The following DMD variants were observed in gnomAD, a reference collection of about 807,000 sequenced individuals.
DMD encodes the protein mutant dystrophin.
In DMD, 63 loss-of-function variants were observed where a neutral mutation model predicts 330.1. The observed-to-expected ratio is 0.19, with a 90% CI of 0.16 to 0.24. The LOEUF is 0.24. Among genes scored for constraint, DMD ranks in the 10% least tolerant of loss-of-function variants. The pLI is 1.00. For synonymous variants in DMD, 1,223 were observed against 959.8 expected, an observed-to-expected ratio of 1.27 and a Z score of -5.07; for missense variants, 3,344 against 2,684.1, an observed-to-expected ratio of 1.25 and a Z score of -5.43.
intron 48 of DMD, among the ~76,000 whole-genome samples, chrX:31,849,966 C>A (rs773626245): frequency 1.8e-5 from 2 of 110,712 alleles, no homozygotes; most frequent in South Asian, 7.7e-4. Flanking sequence ...GTCATGAGGG[C>A]CTGTTGTACA....
chrX:32,786,385 T>A (rs1274712761), intron 7 of DMD, among the ~76,000 whole-genome samples: 2 of 110,739 alleles, frequency 1.8e-5, no homozygotes, highest in African/African-American at 6.6e-5. Context: ...TGCCATCTAA[T>A]TTTAGAGTTA....
At chrX:33,131,273 A>AT (rs2095497887) in intron 1 of DMD, among the ~76,000 whole-genome samples, 1 of 110,918 alleles carries the variant, frequency 9.0e-6, no homozygotes, top group African/African-American at 3.3e-5. Context: ...AACTTTGCTG[A>AT]TATTAGAATC....
At chrX:31,467,543 C>A (rs1295242378) in intron 59 of DMD, among the ~76,000 whole-genome samples, 1 of 111,584 alleles carries the variant, frequency 9.0e-6, no homozygotes, top group Non-Finnish European at 1.9e-5. Context: ...TAAGCTTTTT[C>A]ATGTGCTGCT....
At chrX:32,196,986 C>CCAAAAA (rs2097006253) in intron 44 of DMD, among the ~76,000 whole-genome samples, 1 of 49,640 alleles carries the variant, frequency 2.0e-5, no homozygotes, top group Non-Finnish European at 3.3e-5. Flanking sequence ...GACTCCATCT[C>CCAAAAA]AAAAAAAAAA....
chrX:31,958,096 GTTTTTTTTT>G (rs745655022), intron 45 of DMD, among the ~76,000 whole-genome samples: 1 of 74,594 alleles, frequency 1.3e-5, no homozygotes, highest in Non-Finnish European at 2.5e-5. Context: ...CATTTGGCCT[GTTTTTTTTT>G]TTTTTTTTTT....
intron 44 of DMD, among the ~76,000 whole-genome samples, chrX:32,011,330 A>G (rs2095706705): frequency 9.0e-6 from 1 of 111,299 alleles, no homozygotes; most frequent in Admixed American, 9.5e-5. Flanking sequence ...GCATGAAGGG[A>G]TCTAGAGAAA....
intron 52 of DMD, among the ~76,000 whole-genome samples, chrX:31,698,255 A>G (rs2083571729): frequency 9.0e-6 from 1 of 111,678 alleles, no homozygotes; most frequent in Non-Finnish European, 1.9e-5. Context: ...ACTGTGGGCA[A>G]CTCTAAAGGA....
At chrX:32,558,384 A>C (rs771461314) in intron 16 of DMD, among the ~76,000 whole-genome samples, 1 of 112,136 alleles carries the variant, frequency 8.9e-6, no homozygotes, top group African/African-American at 3.2e-5. Context: ...TATCAAGTAT[A>C]GGCTTAGGAA....
intron 45 of DMD, 46 bp from the exon 46 acceptor site, chrX:31,932,273 TC>T: frequency 1.9e-6 from 2 of 1,044,944 alleles, no homozygotes; most frequent in Non-Finnish European, 2.7e-6. Context: ...CCAACATAGT[TC>T]TCAAACTATT....
chrX:32,129,231 ATT>A (rs1426408812), intron 44 of DMD, among the ~76,000 whole-genome samples: 2 of 111,743 alleles, frequency 1.8e-5, no homozygotes, highest in African/African-American at 6.5e-5. Context: ...CAATCCTCAA[ATT>A]TTGTTTTTCA....
intron 17 of DMD, among the ~76,000 whole-genome samples, chrX:32,528,996 A>T (rs1352068570): frequency 9.8e-5 from 10 of 102,250 alleles, no homozygotes; most frequent in Non-Finnish European, 9.8e-5. Flanking sequence ...ATCTTGGCTC[A>T]CTGCAACCTC....
At chrX:33,165,768 G>A (rs1164598036) in intron 1 of DMD, among the ~76,000 whole-genome samples, 1 of 111,550 alleles carries the variant, frequency 9.0e-6, no homozygotes, top group East Asian at 2.8e-4. Flanking sequence ...AAGGGGGAAA[G>A]AGATGATTTT....
Position 32,625,362 on chromosome X carries a change from A to T in DMD, c.1332-10909T>A, listed in dbSNP as rs2058279313. On this transcript the variant is annotated intron_variant, in intron 11 of 78. Transcript: ENST00000357033. ...AGGCTCAGAAACTGAATTTTTAACT[A>T]TATTTAATTATAATAATTATAATTT... Among the ~76,000 whole-genome samples the T allele has an allele frequency of 3.6e-5, 4 of 111,267 alleles. No individual in the cohort carries two copies. The South Asian group carries it at 1.5e-3, about 42-fold the overall frequency.
intron 30 of DMD, among the ~76,000 whole-genome samples, chrX:32,393,189 G>T (rs999180595): frequency 9.0e-6 from 1 of 111,050 alleles, no homozygotes; most frequent in African/African-American, 3.3e-5. Context: ...CATTTGTTTT[G>T]CTTTAGTTAC....
intron 51 of DMD, among the ~76,000 whole-genome samples, chrX:31,745,434 G>T (rs1206463441): frequency 1.8e-5 from 2 of 111,753 alleles, no homozygotes; most frequent in African/African-American, 6.5e-5. Context: ...AAAGTGGCAT[G>T]TTAGAAATAT....
chrX:31,819,331 A>G (rs1200289927), intron 50 of DMD, among the ~76,000 whole-genome samples: 1 of 112,428 alleles, frequency 8.9e-6, no homozygotes, highest in Non-Finnish European at 1.9e-5. Flanking sequence ...TTGAACTAAA[A>G]ATGGGAGAGC....
chrX:31,138,686 A>AGGGAGAGAGAGTGT lies in DMD; in HGVS notation c.10922-4493_10922-4492insACACTCTCTCTCCC, dbSNP rs3082164. Reference sequence around the variant, plus strand: ...GAGAGAGAGAGAGAGAGAGAGAGAGAGAAGGGGGAAGTGCCACACACTTTA... The same window carrying AGGGAGAGAGAGTGT: ...GAGAGAGAGAGAGAGAGAGAGAGAGAGGGAGAGAGAGTGTGAAGGGGGAAGTGCCACACACTTTA... On this transcript the variant is annotated intron_variant, in intron 76 of 78. Coordinates refer to ENST00000357033, the MANE Select transcript of DMD (RefSeq NM_004006.3). Among the ~76,000 whole-genome samples the AGGGAGAGAGAGTGT allele has an allele frequency of 3.5e-3, 305 of 87,459 alleles. 29 individuals carry two copies. Among genetic ancestry groups the AGGGAGAGAGAGTGT allele is most frequent in the Admixed American group, 0.019 (149 of 7,877 alleles). The allele number at this position is 87,459 out of a possible 115,157, so 75.9% of individuals were successfully genotyped here. A position where few individuals can be genotyped will look rare whatever the true frequency, so the allele number is the denominator to read the frequency against.
At chrX:31,571,359 T>A in intron 55 of DMD, among the ~76,000 whole-genome samples, 1 of 108,687 alleles carries the variant, frequency 9.2e-6, no homozygotes, top group East Asian at 2.9e-4. Flanking sequence ...CTCAGAGAAT[T>A]TTTAATTGTC....
At chrX:32,726,654 G>C (rs2066917048) in intron 7 of DMD, among the ~76,000 whole-genome samples, 1 of 110,914 alleles carries the variant, frequency 9.0e-6, no homozygotes, top group Non-Finnish European at 1.9e-5. Flanking sequence ...GGAAAGAGCA[G>C]TTATAAGGAC....
Sources: allele counts gnomAD v4.1 joint callset (sites outside exome capture counted in the v4.1 genomes callset), GRCh38; gene constraint gnomAD v4.1.1; transcripts MANE v1.5; gene names NCBI Gene and HGNC (gene_info 2026-07-23, HGNC 2026-07-21).